The following LINGO2 variants were observed in gnomAD, a reference collection of about 807,000 sequenced individuals.
LINGO2 encodes leucine rich repeat and Ig domain containing 2, also known as leucine-rich repeat and immunoglobulin-like domain-containing nogo receptor-interacting protein 2.
A neutral mutation model predicts 30.6 loss-of-function variants in LINGO2; 14 were observed. That is an observed-to-expected ratio of 0.46 (90% CI 0.30 to 0.72). The LOEUF (loss-of-function observed/expected upper bound fraction) is 0.72. Ranked by LOEUF, LINGO2 falls within the 30% of genes least tolerant of loss-of-function variation. LINGO2 has a pLI of 0.07. For missense variants in LINGO2, 729 were observed against 751.7 expected (o/e 0.97, Z 0.35); for synonymous variants, 317 against 288.5 (o/e 1.10, Z -1.00).
intron 1 of LINGO2, among the ~76,000 whole-genome samples, chr9:28,559,341 G>A (rs1018127939): frequency 6.6e-6 from 1 of 152,106 alleles, no homozygotes; most frequent in Non-Finnish European, 1.5e-5. Context: ...TGCTGCTTGA[G>A]AATATATGTC....
intron 3 of LINGO2, among the ~76,000 whole-genome samples, chr9:28,296,547 TC>T (rs1329150680): frequency 1.3e-5 from 2 of 152,154 alleles, no homozygotes; most frequent in Admixed American, 1.3e-4. Context: ...CTTCACGGAT[TC>T]CCAGAAGTCA....
At chr9:28,626,752 T>C (rs1304387780) in intron 1 of LINGO2, among the ~76,000 whole-genome samples, 1 of 152,014 alleles carries the variant, frequency 6.6e-6, no homozygotes, top group Non-Finnish European at 1.5e-5. Flanking sequence ...GCTTCACTGA[T>C]TGTTTTTTTC....
the LINGO2 span, among the ~76,000 whole-genome samples, chr9:28,847,813 A>C: frequency 1.3e-4 from 5 of 37,574 alleles, 1 homozygote; most frequent in East Asian, 1.1e-3. Flanking sequence ...GTATATATGT[A>C]TATATACATA....
chr9:29,028,679 G>A, the LINGO2 span, among the ~76,000 whole-genome samples: 1 of 152,092 alleles, frequency 6.6e-6, no homozygotes, highest in African/African-American at 2.4e-5. Flanking sequence ...TTCTTACTTA[G>A]AGTTCTGGAA....
chr9:29,056,362 T>C, the LINGO2 span, among the ~76,000 whole-genome samples: 1 of 152,178 alleles, frequency 6.6e-6, no homozygotes, highest in Admixed American at 6.5e-5. Flanking sequence ...TTGAGCATTT[T>C]TTCACATATT....
chr9:28,307,731 T>G lies in LINGO2; in HGVS notation c.-245-12365A>C, dbSNP rs375703642. On this transcript the variant is annotated intron_variant, in intron 3 of 5. Coordinates refer to ENST00000379992, the Ensembl canonical transcript of LINGO2. ...TAAGCTGATAAGCAACTTCAGCAAA[T>G]TCTCAGGATACAAAATCAATGTACA... is the stretch of plus-strand genomic sequence containing the variant. Among the ~76,000 whole-genome samples, 1,184 of 152,158 alleles carry G rather than the reference T, an allele frequency of 7.8e-3. 15 individuals are homozygous for G. Among genetic ancestry groups the G allele is most frequent in the African/African-American group, 0.022 (903 of 41,540 alleles).
intron 4 of LINGO2, among the ~76,000 whole-genome samples, chr9:28,126,752 C>T (rs1827246922): frequency 6.6e-6 from 1 of 152,114 alleles, no homozygotes; most frequent in Non-Finnish European, 1.5e-5. Context: ...AATCAAAAGT[C>T]CCAGCCCATG....
intron 4 of LINGO2, among the ~76,000 whole-genome samples, chr9:28,055,696 A>G (rs374137337): frequency 2.0e-5 from 3 of 152,196 alleles, no homozygotes; most frequent in African/African-American, 7.2e-5. Flanking sequence ...TTCTTTGTTA[A>G]CTACCTGTTA....
chr9:28,734,609 T>A, the LINGO2 span, among the ~76,000 whole-genome samples: 41,437 of 152,012 alleles, frequency 0.27, 5,984 homozygotes, highest in Admixed American at 0.39. Context: ...ATATAAAGCA[T>A]ACAGATGCCT....
chr9:28,135,419 T>C (rs1282568703), intron 4 of LINGO2, among the ~76,000 whole-genome samples: 2 of 150,778 alleles, frequency 1.3e-5, no homozygotes, highest in Admixed American at 1.3e-4. Flanking sequence ...TAAGAAAACA[T>C]GGAAACTGAC....
At chr9:28,131,889 C>T (rs1178069993) in intron 4 of LINGO2, among the ~76,000 whole-genome samples, 1 of 152,074 alleles carries the variant, frequency 6.6e-6, no homozygotes, top group Non-Finnish European at 1.5e-5. Context: ...TAGGGTGAAA[C>T]CTGACTTAAA....
the LINGO2 span, among the ~76,000 whole-genome samples, chr9:28,875,421 T>G: frequency 6.6e-6 from 1 of 152,180 alleles, no homozygotes; most frequent in South Asian, 2.1e-4. Context: ...CATGAATTTC[T>G]TAACAAAAAA....
chr9:29,068,267 G>A, the LINGO2 span, among the ~76,000 whole-genome samples: 6 of 151,720 alleles, frequency 4.0e-5, no homozygotes, highest in Admixed American at 2.6e-4. Flanking sequence ...AGATATATCA[G>A]TAGGCAAAGG....
At chr9:28,827,007 C>T in the LINGO2 span, among the ~76,000 whole-genome samples, 1 of 152,114 alleles carries the variant, frequency 6.6e-6, no homozygotes, top group Non-Finnish European at 1.5e-5. Context: ...AGTGTCTATC[C>T]ATGATTAAAA....
At chr9:28,622,633 T>C (rs1356716648) in intron 1 of LINGO2, among the ~76,000 whole-genome samples, 1 of 152,118 alleles carries the variant, frequency 6.6e-6, no homozygotes, top group Admixed American at 6.6e-5. Context: ...ATCTTAGCTA[T>C]TGTAAACAGT....
chr9:28,057,430 C>T (rs1321150685), intron 4 of LINGO2, among the ~76,000 whole-genome samples: 1 of 151,398 alleles, frequency 6.6e-6, no homozygotes, highest in Non-Finnish European at 1.5e-5. Flanking sequence ...GATTAGTGTT[C>T]TATGAGATAC....
At chr9:29,009,922 A>C in the LINGO2 span, among the ~76,000 whole-genome samples, 327 of 152,314 alleles carry the variant, frequency 2.1e-3, 1 homozygote, top group East Asian at 0.018. Context: ...AAAAACTAGA[A>C]ATGGGGAAAG....
chr9:28,436,348 C>T (rs970436923), intron 2 of LINGO2, among the ~76,000 whole-genome samples: 3 of 152,128 alleles, frequency 2.0e-5, no homozygotes, highest in East Asian at 3.9e-4. Context: ...TGTCTTAATA[C>T]CTGGAGACGG....
At chr9:28,034,481 T>TG (rs1823835827) in intron 4 of LINGO2, among the ~76,000 whole-genome samples, 1 of 152,196 alleles carries the variant, frequency 6.6e-6, no homozygotes, top group Non-Finnish European at 1.5e-5. Context: ...AAGCTCAGCC[T>TG]GGCTTTTGTG....
Sources: allele counts gnomAD v4.1 joint callset (sites outside exome capture counted in the v4.1 genomes callset), GRCh38; gene constraint gnomAD v4.1.1; transcripts MANE v1.5; gene names NCBI Gene and HGNC (gene_info 2026-07-23, HGNC 2026-07-21).